PTPRR: variants seen among roughly 807,000 people sequenced by gnomAD.
PTPRR encodes receptor-type tyrosine-protein phosphatase R.
Under a neutral mutation model 77.2 loss-of-function variants are expected in PTPRR, and 38 were observed. The observed-to-expected ratio is 0.49, with a 90% CI of 0.38 to 0.65. PTPRR has a LOEUF of 0.65. Among genes scored for constraint, PTPRR ranks in the 30% least tolerant of loss-of-function variants. PTPRR has a pLI of 0.00. For missense variants in PTPRR, 744 were observed against 799.2 expected, an observed-to-expected ratio of 0.93 and a Z score of 0.83; for synonymous variants, 299 against 283.1, an observed-to-expected ratio of 1.06 and a Z score of -0.57.
intron 2 of PTPRR, among the ~76,000 whole-genome samples, chr12:70,789,229 G>A (rs1307898646): frequency 6.6e-6 from 1 of 151,820 alleles, no homozygotes; most frequent in Non-Finnish European, 1.5e-5. Context: ...CCTGCATGTT[G>A]TGCACATGTA....
At chr12:70,883,912 C>T (rs913981809) in intron 2 of PTPRR, among the ~76,000 whole-genome samples, 4 of 152,174 alleles carry the variant, frequency 2.6e-5, no homozygotes, top group Admixed American at 6.5e-5. Context: ...CCACTTCTGC[C>T]ACAGTAATAG....
intron 6 of PTPRR, among the ~76,000 whole-genome samples, chr12:70,711,592 A>T (rs558373635): frequency 6.6e-6 from 1 of 152,266 alleles, no homozygotes; most frequent in Admixed American, 6.6e-5. Context: ...ACAAACCTGC[A>T]CATGTACCCC....
chr12:70,848,792 T>C (rs947369761), intron 2 of PTPRR, among the ~76,000 whole-genome samples: 6 of 152,354 alleles, frequency 3.9e-5, no homozygotes, highest in Admixed American at 2.0e-4. Context: ...TGGGGTAGAA[T>C]ATGTGATAGA....
rs146880656 is a variant in PTPRR at position 70,890,140 on chromosome 12, G to T, written c.357+2539C>A. ...ATTTTACAGCATACTTTCATCTAAA[G>T]CGGTATTTTTTTCCTCTTACCATAG... is the stretch of plus-strand genomic sequence containing the variant. On this transcript the variant is annotated intron_variant, in intron 2 of 13. Transcript: ENST00000283228. Among the ~76,000 whole-genome samples, 444 of 152,226 alleles carry T rather than the reference G, an allele frequency of 2.9e-3. 2 individuals carry two copies. Among genetic ancestry groups the T allele is most frequent in the African/African-American group, 1.0e-2 (414 of 41,530 alleles).
intron 1 of PTPRR, among the ~76,000 whole-genome samples, chr12:70,919,694 T>G (rs1401065741): frequency 6.6e-5 from 4 of 60,994 alleles, no homozygotes; most frequent in African/African-American, 3.3e-4. Flanking sequence ...TTTTTTTTTT[T>G]TTTTTTTTTT....
chr12:70,879,765 A>C (rs1181460307), intron 2 of PTPRR, among the ~76,000 whole-genome samples: 1 of 152,192 alleles, frequency 6.6e-6, no homozygotes, highest in Non-Finnish European at 1.5e-5. Context: ...TGGCGTAGTG[A>C]CTGTTTAGAC....
At chr12:70,802,277 G>A (rs941181640) in intron 2 of PTPRR, among the ~76,000 whole-genome samples, 13 of 152,096 alleles carry the variant, frequency 8.5e-5, no homozygotes, top group East Asian at 3.9e-4. Context: ...ATACAACTTC[G>A]TAAAGAGTAA....
intron 2 of PTPRR, among the ~76,000 whole-genome samples, chr12:70,852,233 A>C (rs1290349761): frequency 6.6e-6 from 1 of 152,172 alleles, no homozygotes; most frequent in Non-Finnish European, 1.5e-5. Context: ...AAGGGTTGGA[A>C]AAATGAATCA....
chr12:70,794,581 C>T (rs534860341), intron 2 of PTPRR, among the ~76,000 whole-genome samples: 22 of 152,270 alleles, frequency 1.4e-4, no homozygotes, highest in African/African-American at 4.8e-4. Context: ...ATATAACTAA[C>T]GAACACACAC....
At chr12:70,706,395 A>C (rs1180571270) in intron 6 of PTPRR, among the ~76,000 whole-genome samples, 2 of 152,080 alleles carry the variant, frequency 1.3e-5, no homozygotes, top group East Asian at 3.8e-4. Flanking sequence ...TTCATAATAA[A>C]ATTTCCCAAA....
At chr12:70,641,375 C>G (rs1297001977) in intron 13 of PTPRR, among the ~76,000 whole-genome samples, 1 of 151,816 alleles carries the variant, frequency 6.6e-6, no homozygotes, top group African/African-American at 2.4e-5. Flanking sequence ...ATGTTCTGGT[C>G]AGCACTGGTA....
chr12:70,916,264 AG>A (rs1421216396), intron 1 of PTPRR, among the ~76,000 whole-genome samples: 1 of 152,158 alleles, frequency 6.6e-6, no homozygotes, highest in Non-Finnish European at 1.5e-5. Context: ...GAAAGAAAAA[AG>A]CAAAACAGTA....
At chr12:70,700,908 C>A (rs151091208) in intron 7 of PTPRR, among the ~76,000 whole-genome samples, 108 of 152,274 alleles carry the variant, frequency 7.1e-4, no homozygotes, top group African/African-American at 2.5e-3. Flanking sequence ...GCTCCCTATA[C>A]CACTTATTTG....
chr12:70,648,667 C>T (rs1414133080), intron 13 of PTPRR, among the ~76,000 whole-genome samples: 1 of 152,136 alleles, frequency 6.6e-6, no homozygotes, highest in African/African-American at 2.4e-5. Flanking sequence ...GGGGCAGAGC[C>T]ACGCACCAAG....
rs539623249 is a variant in PTPRR, at chr12:70,916,574, C to T, written c.58+3759G>A. Among the ~76,000 whole-genome samples the T allele has an allele frequency of 1.1e-3, 170 of 151,582 alleles. 1 individual carries two copies. Among genetic ancestry groups the T allele is most frequent in the African/African-American group, 3.9e-3 (162 of 41,270 alleles). On this transcript the variant is annotated intron_variant, in intron 1 of 13. Transcript: ENST00000283228. ...CTTGGCACCATCATAGAATACCTTT[C>T]TTCTCAGAGACTAGAGAAATTGACT... is the stretch of plus-strand genomic sequence containing the variant.
intron 12 of PTPRR, among the ~76,000 whole-genome samples, chr12:70,657,564 T>C (rs1223281873): frequency 6.6e-6 from 1 of 152,234 alleles, no homozygotes. Flanking sequence ...ATGTAAAAGA[T>C]TCTTTCAAAT....
intron 2 of PTPRR, among the ~76,000 whole-genome samples, chr12:70,818,024 C>T (rs1891935961): frequency 6.6e-6 from 1 of 151,906 alleles, no homozygotes. Flanking sequence ...CCAGCCTGAC[C>T]AACATGGTGA....
chr12:70,759,866 A>G (rs1444053823), intron 4 of PTPRR, among the ~76,000 whole-genome samples: 1 of 152,124 alleles, frequency 6.6e-6, no homozygotes, highest in Non-Finnish European at 1.5e-5. Context: ...ACCATATACC[A>G]TATTAAGAAA....
Position 70,701,196 on chromosome 12 carries a change from T to C in PTPRR, c.1135A>G (p.Thr379Ala). 1 of 1,613,090 alleles carries C rather than the reference T, an allele frequency of 6.2e-7. No individual in the cohort carries two copies. Among genetic ancestry groups the C allele is most frequent in the South Asian group, 1.1e-5 (1 of 91,064 alleles). Reference protein sequence around the residue: ...EYLQSASRILTRSQLRDVVAS... With the variant: ...EYLQSASRILARSQLRDVVAS... ...ACGACGTCCCTCAGCTGAGACCTTG[T>C]GAGAATTCGGCTGGCTGACTGCAGA... is the stretch of plus-strand genomic sequence containing the variant. Residue 379 changes from threonine (T) to alanine (A), a missense_variant, in exon 7 of 14, where the codon ACA becomes GCA. By Grantham distance (58) the Thr-to-Ala change is moderately conservative. This residue lies in a region of PTPRR where 570 missense variants were observed against 573.2 expected (regional missense o/e 0.99). Coordinates refer to ENST00000283228, the MANE Select transcript of PTPRR (RefSeq NM_002849.4).
Sources: allele counts gnomAD v4.1 joint callset (sites outside exome capture counted in the v4.1 genomes callset), GRCh38; gene constraint gnomAD v4.1.1; regional missense constraint gnomAD v4.1.1; transcripts MANE v1.5; gene names NCBI Gene and HGNC (gene_info 2026-07-23, HGNC 2026-07-21).